KRT1: variants seen among roughly 807,000 people sequenced by gnomAD.
KRT1 encodes the protein keratin, type II cytoskeletal 1.
KRT1 carries 28 observed loss-of-function variants against 51.6 expected under a neutral mutation model. The observed-to-expected ratio is 0.54, with a 90% CI of 0.40 to 0.74. The LOEUF (loss-of-function observed/expected upper bound fraction) is 0.74. KRT1 is among the 30% of genes least tolerant of loss of function. The pLI is 0.00. For synonymous variants in KRT1, 301 were observed against 307.7 expected, an observed-to-expected ratio of 0.98 and a Z score of 0.23; for missense variants, 783 against 815.5, an observed-to-expected ratio of 0.96 and a Z score of 0.49.
At chr12:52,678,804 T>C (rs745740228) in intron 1 of KRT1, 48 bp from the exon 2 acceptor site, 2 of 1,512,088 alleles carry the variant, frequency 1.3e-6, no homozygotes, top group South Asian at 1.1e-5. Context: ...TGGAGTCTCA[T>C]AGCCATGGAG....
intron 3 of KRT1, 99 bp downstream of exon 3, chr12:52,678,064 C>T (rs920139527): frequency 1.7e-6 from 2 of 1,152,536 alleles, no homozygotes; most frequent in Non-Finnish European, 2.6e-6. Flanking sequence ...AGGTCTACTA[C>T]CTGGCTCTCC....
In KRT1 at chr12:52,678,311, C is replaced by T. The variant is rs1271578286; in HGVS notation, c.807-88G>A. ...AAACTAAAGGTGGCATTGCCTATCA[C>T]TGCCTTTCTATTATGAACCTAGGAC... On this transcript the variant is annotated intron_variant, in intron 2 of 8. Coordinates refer to ENST00000252244, the MANE Select transcript of KRT1 (RefSeq NM_006121.4). 2.3e-6 allele frequency: 3 copies of T among 1,331,472 alleles called. No homozygotes were observed. The East Asian group carries it at 7.0e-5, about 31-fold the overall frequency. 82.5% of individuals were successfully genotyped at this position (1,331,472 alleles called of 1,614,324 possible).
At chr12:52,678,504 C>G (rs886190389) in intron 2 of KRT1, 38 bp downstream of exon 2, 1 of 1,598,122 alleles carries the variant, frequency 6.3e-7, no homozygotes, top group Non-Finnish European at 8.6e-7. Flanking sequence ...AACTCTTTTA[C>G]AGCAAAAGTT....
chr12:52,676,568 A>C (rs1260190223), intron 6 of KRT1, 73 bp from the exon 7 acceptor site: 2 of 1,475,750 alleles, frequency 1.4e-6, no homozygotes, highest in Non-Finnish European at 1.9e-6. Context: ...TGGTCTCCCC[A>C]CTCCAGTGAG....
At chr12:52,679,095 C>T (rs1462639575) in intron 1 of KRT1, among the ~76,000 whole-genome samples, 1 of 152,174 alleles carries the variant, frequency 6.6e-6, no homozygotes, top group Non-Finnish European at 1.5e-5. Flanking sequence ...CCAGGACACA[C>T]ACACATTTCA....
chr12:52,677,967 G>C (rs1034236863), intron 3 of KRT1, among the ~76,000 whole-genome samples, 196 bp downstream of exon 3: 6 of 152,118 alleles, frequency 3.9e-5, no homozygotes, highest in Non-Finnish European at 8.8e-5. Flanking sequence ...ACTATGTAAG[G>C]TGCTGGGAAA....
chr12:52,677,548 A>C, intron 4 of KRT1, 68 bp from the exon 5 acceptor site: 1 of 1,608,594 alleles, frequency 6.2e-7, no homozygotes, highest in Non-Finnish European at 8.5e-7. Context: ...CAGAGAAAGC[A>C]GTCAGAAAAT....
intron 6 of KRT1, 68 bp downstream of exon 6, chr12:52,676,991 C>T: frequency 1.3e-6 from 2 of 1,589,422 alleles, no homozygotes; most frequent in Non-Finnish European, 1.7e-6. Context: ...ACTAGGAAAG[C>T]ACTCGCCCTT....
chr12:52,675,684 C>T (rs1014534140), intron 8 of KRT1, 26 bp downstream of exon 8: 8 of 1,614,098 alleles, frequency 5.0e-6, no homozygotes, highest in Non-Finnish European at 5.1e-6. Context: ...CCTGCACATG[C>T]CCCTGAGAAA....
Position 52,677,060 on chromosome 12 carries a change from T to G in KRT1, c.1253A>C (p.Gln418Pro), listed in dbSNP as rs1454050366. Residue 418 changes from glutamine to proline, a missense_variant and splice_region_variant, in exon 6 of 9, where the codon CAG becomes CCG. Coordinates refer to ENST00000252244, the MANE Select transcript of KRT1 (RefSeq NM_006121.4). ...GTGGTAGAAGGAGAAAGCACATACCTGCTTCTTGACATTGTCGATTTCAGA... is the reference window on the plus strand; with the variant it reads ...GTGGTAGAAGGAGAAAGCACATACCGGCTTCTTGACATTGTCGATTTCAGA... ...LRSEIDNVKK[Q>P]ISNLQQSISD... 2 of 1,612,976 alleles carry G rather than the reference T, an allele frequency of 1.2e-6. No individual in the cohort carries two copies. The highest frequency in any genetic ancestry group is 1.7e-6 in the Non-Finnish European group (2 of 1,180,030).
intron 1 of KRT1, 54 bp downstream of exon 1, chr12:52,679,704 C>G: frequency 6.7e-7 from 1 of 1,495,516 alleles, no homozygotes; most frequent in South Asian, 1.1e-5. Flanking sequence ...TTGACTGCAC[C>G]AATCCCAAGT....
At chr12:52,679,245 T>TA (rs1199489294) in intron 1 of KRT1, among the ~76,000 whole-genome samples, 4 of 152,274 alleles carry the variant, frequency 2.6e-5, no homozygotes, top group South Asian at 2.1e-4. Context: ...GATATTAGTA[T>TA]AAAAAAACTC....
At chr12:52,679,333 T>A (rs1020747650) in intron 1 of KRT1, among the ~76,000 whole-genome samples, 1 of 152,222 alleles carries the variant, frequency 6.6e-6, no homozygotes, top group Non-Finnish European at 1.5e-5. Context: ...TGGCACTGAC[T>A]GACCACATGT....
In KRT1 at chr12:52,675,023, T is replaced by G; in HGVS notation, c.*170A>C. The G allele has an allele frequency of 2.1e-6, 2 of 949,272 alleles. No homozygotes were observed. Among genetic ancestry groups the G allele is most frequent in the South Asian group, 2.7e-5 (2 of 72,958 alleles). The allele number at this position is 949,272 out of a possible 1,614,324, so 58.8% of individuals were successfully genotyped here. On this transcript the variant is annotated 3_prime_UTR_variant, in exon 9 of 9. Transcript: ENST00000252244. ...TGAGATTGCCACTGATCTGAAAACTTCATTGGGAAACAGCAGAAAAGAAAG... is the reference window on the plus strand; with the variant it reads ...TGAGATTGCCACTGATCTGAAAACTGCATTGGGAAACAGCAGAAAAGAAAG...
intron 7 of KRT1, 40 bp from the exon 8 acceptor site, chr12:52,675,784 C>T (rs2741160): frequency 6.8e-6 from 11 of 1,611,278 alleles, no homozygotes; most frequent in Admixed American, 5.0e-5. Flanking sequence ...GACACTCCAG[C>T]TTCCCAAACC....
intron 3 of KRT1, 29 bp downstream of exon 3, chr12:52,678,134 G>A (rs1360883872): frequency 1.2e-6 from 2 of 1,607,902 alleles, no homozygotes; most frequent in Admixed American, 1.7e-5. Context: ...TATTTCAAAT[G>A]TGAGTTCCGT....
In KRT1 at chr12:52,677,073, T is replaced by G. The variant is rs780795028; in HGVS notation, c.1240A>C (p.Asn414His). ...VIQRLRSEIDNVKKQISNLQQ... is the reference protein window; with the variant it reads ...VIQRLRSEIDHVKKQISNLQQ... ...AAAGCACATACCTGCTTCTTGACATTGTCGATTTCAGATCTAAGTCTCTGG... is the reference window on the plus strand; with the variant it reads ...AAAGCACATACCTGCTTCTTGACATGGTCGATTTCAGATCTAAGTCTCTGG... Residue 414 changes from asparagine to histidine, a missense_variant, in exon 6 of 9, where the codon AAT becomes CAT. Asn to His is a moderately conservative substitution (Grantham distance 68). Coordinates refer to ENST00000252244, the MANE Select transcript of KRT1 (RefSeq NM_006121.4). The G allele has an allele frequency of 3.7e-5, 60 of 1,613,630 alleles. No individual in the cohort carries two copies. The highest frequency in any genetic ancestry group is 5.1e-5 in the Non-Finnish European group (60 of 1,180,034).
chr12:52,678,965 C>T (rs530556838), intron 1 of KRT1, among the ~76,000 whole-genome samples: 123 of 152,200 alleles, frequency 8.1e-4, no homozygotes, highest in African/African-American at 2.8e-3. Flanking sequence ...TAAACAAATA[C>T]CAATAGCAAA....
At chr12:52,676,814 C>A (rs539275691) in intron 6 of KRT1, among the ~76,000 whole-genome samples, 324 of 152,332 alleles carry the variant, frequency 2.1e-3, no homozygotes, top group Non-Finnish European at 3.7e-3. Context: ...CACTTTGGGT[C>A]ATAGGCTAGA....
Sources: allele counts gnomAD v4.1 joint callset (sites outside exome capture counted in the v4.1 genomes callset), GRCh38; gene constraint gnomAD v4.1.1; transcripts MANE v1.5; gene names NCBI Gene and HGNC (gene_info 2026-07-23, HGNC 2026-07-21).